CACNA2D2: variants seen among roughly 807,000 people sequenced by gnomAD.
CACNA2D2 encodes calcium voltage-gated channel auxiliary subunit alpha2delta 2, also known as voltage-dependent calcium channel subunit alpha-2/delta-2.
CACNA2D2 carries 48 observed loss-of-function variants against 166.4 expected under a neutral mutation model. The ratio of observed to expected loss-of-function variants is 0.29; its 90% CI spans 0.23 to 0.37. The LOEUF (loss-of-function observed/expected upper bound fraction) is 0.37. CACNA2D2 is among the 10% of genes least tolerant of loss of function. CACNA2D2 has a pLI of 1.00. For missense variants in CACNA2D2, 1,122 were observed against 1,433.0 expected (o/e 0.78, Z 3.50); for synonymous variants, 561 against 573.7 (o/e 0.98, Z 0.32).
chr3:50,427,137 C>T lies in CACNA2D2; in HGVS notation c.405+7176G>A, dbSNP rs902254776. Among the ~76,000 whole-genome samples, 3 of 152,234 alleles carry T rather than the reference C, an allele frequency of 2.0e-5. No homozygotes were observed. Among genetic ancestry groups the T allele is most frequent in the African/African-American group, 7.2e-5 (3 of 41,468 alleles). ...CCTTCCGCAGACATCCAGGCCACCT[C>T]GTCCAAGGAGCCCTCTCTGACTCCC... On this transcript the variant is annotated intron_variant, in intron 3 of 37. Coordinates refer to ENST00000424201, the MANE Select transcript of CACNA2D2 (RefSeq NM_006030.4). This position sits in a 1 kb window ranked among gnomAD's most constrained non-coding sequence, Gnocchi z 4.7.
intron 1 of CACNA2D2, among the ~76,000 whole-genome samples, chr3:50,482,132 T>C (rs967745748): frequency 6.6e-6 from 1 of 152,144 alleles, no homozygotes; most frequent in Non-Finnish European, 1.5e-5. Context: ...AGCAGGCCAC[T>C]CCCCCATCCC....
chr3:50,416,696 G>A lies in CACNA2D2; in HGVS notation c.405+17617C>T, dbSNP rs761774063. On this transcript the variant is annotated intron_variant, in intron 3 of 37. Transcript: ENST00000424201. ...GAAGACCTGGGTCCCGGCTGGAGCC[G>A]CGGAGCCACAGTGTGGTCTCGGGCA... Among the ~76,000 whole-genome samples the A allele has an allele frequency of 2.4e-4, 36 of 152,352 alleles. 1 individual carries two copies. Among genetic ancestry groups the A allele is most frequent in the South Asian group, 6.2e-4 (3 of 4,832 alleles).
intron 1 of CACNA2D2, among the ~76,000 whole-genome samples, chr3:50,476,844 C>T (rs1697798055): frequency 1.3e-5 from 2 of 152,168 alleles, no homozygotes; most frequent in Admixed American, 1.3e-4. Flanking sequence ...TGCAGACCAT[C>T]CTGCCTCACA....
chr3:50,425,551 CCCCAGCCTCGCACA>C (rs1707768744), intron 3 of CACNA2D2, among the ~76,000 whole-genome samples: 1 of 152,184 alleles, frequency 6.6e-6, no homozygotes, highest in Non-Finnish European at 1.5e-5. Context: ...ACCTACCCTC[CCCCAGCCTCGCACA>C]CCAGGATTTC....
chr3:50,454,003 C>T (rs1462070534), intron 2 of CACNA2D2, among the ~76,000 whole-genome samples: 1 of 152,220 alleles, frequency 6.6e-6, no homozygotes, highest in African/African-American at 2.4e-5. Flanking sequence ...CCCCTCCACA[C>T]CCGGGTTCCG....
chr3:50,472,573 T>C (rs1710143198), intron 2 of CACNA2D2, among the ~76,000 whole-genome samples: 1 of 150,580 alleles, frequency 6.6e-6, no homozygotes, highest in South Asian at 2.1e-4. Flanking sequence ...GGGGCTGGCA[T>C]GCCTCAGGAG....
chr3:50,432,594 G>A (rs955392579), intron 3 of CACNA2D2, among the ~76,000 whole-genome samples: 1 of 152,246 alleles, frequency 6.6e-6, no homozygotes, highest in African/African-American at 2.4e-5. Flanking sequence ...GGGGCGCGAT[G>A]CACTGGCTGA....
chr3:50,364,663 T>C lies in CACNA2D2; in HGVS notation c.*3A>G. 2 of 1,515,970 alleles carry C rather than the reference T, an allele frequency of 1.3e-6. No homozygotes were observed. The highest frequency in any genetic ancestry group is 1.8e-6 in the Non-Finnish European group (2 of 1,130,004). 93.9% of individuals were successfully genotyped at this position (1,515,970 alleles called of 1,614,324 possible). A position where few individuals can be genotyped will look rare whatever the true frequency, so the allele number is the denominator to read the frequency against. ...GGAGTGGAGGTGGGGTGGGGCAGGG[T>C]GCTCAGAGGCGGCGAGAGGCGTGGA... On this transcript the variant is annotated 3_prime_UTR_variant, in exon 38 of 38. Coordinates refer to ENST00000424201, the MANE Select transcript of CACNA2D2 (RefSeq NM_006030.4).
intron 1 of CACNA2D2, among the ~76,000 whole-genome samples, chr3:50,496,093 C>T (rs1698711376): frequency 6.6e-6 from 1 of 152,202 alleles, no homozygotes; most frequent in African/African-American, 2.4e-5. Flanking sequence ...TGCTTTATTT[C>T]CCACTGCCAG....
chr3:50,379,349 G>A lies in CACNA2D2; in HGVS notation c.1152+83C>T. ...AAGCTGCCTGTTTGGTGCTAACGAG[G>A]CCATCCGTCTTGATTTCCTGGGTAC... is the stretch of plus-strand genomic sequence containing the variant. On this transcript the variant is annotated intron_variant, in intron 11 of 37. Coordinates refer to ENST00000424201, the MANE Select transcript of CACNA2D2 (RefSeq NM_006030.4). The surrounding 1 kb of genome is among the most constrained non-coding windows in gnomAD (Gnocchi z 6.5). 1 of 1,540,176 alleles carries A rather than the reference G, an allele frequency of 6.5e-7. No individual in the cohort carries two copies. Among genetic ancestry groups the A allele is most frequent in the South Asian group, 1.2e-5 (1 of 86,342 alleles).
At chr3:50,467,091 C>T (rs1709856956) in intron 2 of CACNA2D2, among the ~76,000 whole-genome samples, 1 of 152,126 alleles carries the variant, frequency 6.6e-6, no homozygotes, top group Admixed American at 6.5e-5. Flanking sequence ...CACCCAAAGG[C>T]CTGAGAAAGG....
In CACNA2D2 at chr3:50,366,441, G is replaced by T; in HGVS notation, c.2638-103C>A. 1 of 1,462,184 alleles carries T rather than the reference G, an allele frequency of 6.8e-7. No homozygotes were observed. 90.6% of individuals were successfully genotyped at this position (1,462,184 alleles called of 1,614,324 possible). A position where few individuals can be genotyped will look rare whatever the true frequency, so the allele number is the denominator to read the frequency against. On this transcript the variant is annotated intron_variant, in intron 30 of 37. Coordinates refer to ENST00000424201, the MANE Select transcript of CACNA2D2 (RefSeq NM_006030.4). This position sits in a 1 kb window ranked among gnomAD's most constrained non-coding sequence, Gnocchi z 5.9. Reference sequence around the variant, plus strand: ...AGAGTTGGGGGGCATCACTCCCCCAGTCCTGGGAAGGCTGTGAAGTCAGGG... The same window carrying T: ...AGAGTTGGGGGGCATCACTCCCCCATTCCTGGGAAGGCTGTGAAGTCAGGG...
Position 50,364,652 on chromosome 3 carries a change from G to T in CACNA2D2, c.*14C>A. On this transcript the variant is annotated 3_prime_UTR_variant, in exon 38 of 38. Transcript: ENST00000424201. ...CGGGTGAGGTGGGAGTGGAGGTGGGGTGGGGCAGGGTGCTCAGAGGCGGCG... is the reference window on the plus strand; with the variant it reads ...CGGGTGAGGTGGGAGTGGAGGTGGGTTGGGGCAGGGTGCTCAGAGGCGGCG... 1 of 1,505,130 alleles carries T rather than the reference G, an allele frequency of 6.6e-7. No homozygotes were observed. Among genetic ancestry groups the T allele is most frequent in the South Asian group, 1.3e-5 (1 of 78,932 alleles). 93.2% of individuals were successfully genotyped at this position (1,505,130 alleles called of 1,614,324 possible). A position where few individuals can be genotyped will look rare whatever the true frequency, so the allele number is the denominator to read the frequency against.
At chr3:50,490,998 C>T (rs1156401089) in intron 1 of CACNA2D2, among the ~76,000 whole-genome samples, 1 of 152,160 alleles carries the variant, frequency 6.6e-6, no homozygotes, top group African/African-American at 2.4e-5. Context: ...GCAGGGCCCT[C>T]GGCAGCCCAT....
rs1340053787 is a variant in CACNA2D2, at chr3:50,380,009, C to T, written c.852G>A (p.Gln284=). 1 of 1,614,080 alleles carries T rather than the reference C, an allele frequency of 6.2e-7. No individual in the cohort carries two copies. Among genetic ancestry groups the T allele is most frequent in the South Asian group, 1.1e-5 (1 of 91,076 alleles). ...CCATGTCTTTGGGTGACGAGGCCCC[C>T]TGGATATACCTGCCCAGGAGATGCC... The part of the protein sequence containing the change: ...YDVRRRPWYI[Q]GASSPKDMVI... Residue 284 remains glutamine (Q), a synonymous_variant, in exon 9 of 38, where the codon CAG becomes CAA. Transcript: ENST00000424201. This position sits in a 1 kb window ranked among gnomAD's most constrained non-coding sequence, Gnocchi z 4.9.
chr3:50,458,962 G>A (rs1344700435), intron 2 of CACNA2D2, among the ~76,000 whole-genome samples: 1 of 152,260 alleles, frequency 6.6e-6, no homozygotes, highest in Non-Finnish European at 1.5e-5. Flanking sequence ...CTAGGCTCTG[G>A]AGCTGAGCTG....
In CACNA2D2 at chr3:50,376,112, A is replaced by G. The variant is rs1704971986; in HGVS notation, c.1701+2T>C. ...ACCCTCCAGGCCACCCGTCTGGCTCACCTGGGGCTTGAGATTGGGGTGCAG... is the reference window on the plus strand; with the variant it reads ...ACCCTCCAGGCCACCCGTCTGGCTCGCCTGGGGCTTGAGATTGGGGTGCAG... On this transcript the variant is annotated splice_donor_variant, in intron 18 of 37. Coordinates refer to ENST00000424201, the MANE Select transcript of CACNA2D2 (RefSeq NM_006030.4). LOFTEE classifies it high-confidence loss of function. This position sits in a 1 kb window ranked among gnomAD's most constrained non-coding sequence, Gnocchi z 4.3. 6.2e-7 allele frequency: 1 copy of G among 1,613,216 alleles called. No homozygotes were observed. Among genetic ancestry groups the G allele is most frequent in the South Asian group, 1.1e-5 (1 of 91,074 alleles).
At chr3:50,456,338 A>G (rs907663955) in intron 2 of CACNA2D2, among the ~76,000 whole-genome samples, 1 of 152,084 alleles carries the variant, frequency 6.6e-6, no homozygotes, top group Admixed American at 6.5e-5. Flanking sequence ...GGGAGGGGAG[A>G]GGCTCACACA....
At chr3:50,394,642 C>T (rs1378161072) in intron 3 of CACNA2D2, among the ~76,000 whole-genome samples, 1 of 152,254 alleles carries the variant, frequency 6.6e-6, no homozygotes, top group East Asian at 1.9e-4. Flanking sequence ...CCCAGACTTC[C>T]TGAGCCCCTT....
Sources: allele counts gnomAD v4.1 joint callset (sites outside exome capture counted in the v4.1 genomes callset), GRCh38; gene constraint gnomAD v4.1.1; non-coding constraint Gnocchi (gnomAD v3.1); transcripts MANE v1.5; gene names NCBI Gene and HGNC (gene_info 2026-07-23, HGNC 2026-07-21).